DLGAP1: variants seen among roughly 807,000 people sequenced by gnomAD.
DLGAP1 encodes the protein disks large-associated protein 1.
Under a neutral mutation model 90.8 loss-of-function variants are expected in DLGAP1, and 11 were observed. That is an observed-to-expected ratio of 0.12 (90% CI 0.08 to 0.20). The LOEUF is 0.20. Among genes scored for constraint, DLGAP1 ranks in the 10% least tolerant of loss-of-function variants. DLGAP1 has a pLI of 1.00. For missense variants in DLGAP1, 1,050 were observed against 1,333.8 expected (o/e 0.79, Z 3.31); for synonymous variants, 558 against 540.7 (o/e 1.03, Z -0.44).
At chr18:3,959,273 A>G (rs1039872523) in intron 3 of DLGAP1, among the ~76,000 whole-genome samples, 102 of 152,108 alleles carry the variant, frequency 6.7e-4, no homozygotes, top group African/African-American at 2.3e-3. Context: ...CCTTGTCTTT[A>G]GGTCCTTTTG....
In DLGAP1 at chr18:4,418,216, A is replaced by C. The variant is rs114975464; in HGVS notation, c.-267+36790T>G. Among the ~76,000 whole-genome samples the C allele has an allele frequency of 7.4e-3, 1,132 of 152,290 alleles. 7 individuals are homozygous for C. The highest frequency in any genetic ancestry group is 0.024 in the African/African-American group (988 of 41,574). On this transcript the variant is annotated intron_variant, in intron 1 of 12. Transcript: ENST00000315677. ...GCCCAGCAGAGGGAAAGGCATGTCC[A>C]CTACTAGGCAGAAAAAACTGTTAAC...
chr18:3,645,344 A>T (rs56991017), intron 7 of DLGAP1, among the ~76,000 whole-genome samples: 26,284 of 151,758 alleles, frequency 0.17, 2,454 homozygotes, highest in Non-Finnish European at 0.19. Context: ...ATATATATAT[A>T]TTTTTTTAAT....
At chr18:4,156,820 A>G (rs879171200) in intron 1 of DLGAP1, among the ~76,000 whole-genome samples, 1 of 152,046 alleles carries the variant, frequency 6.6e-6, no homozygotes, top group African/African-American at 2.4e-5. Context: ...TTTTTGAGCA[A>G]TGATTAATAG....
intron 5 of DLGAP1, among the ~76,000 whole-genome samples, chr18:3,762,211 G>A (rs1876488053): frequency 1.3e-5 from 2 of 152,200 alleles, no homozygotes; most frequent in African/African-American, 4.8e-5. Context: ...GTATTGCCAA[G>A]ATTAAGACAT....
chr18:4,115,481 T>C (rs941226745), intron 2 of DLGAP1, among the ~76,000 whole-genome samples: 1 of 147,620 alleles, frequency 6.8e-6, no homozygotes, highest in Non-Finnish European at 1.5e-5. Flanking sequence ...TTTCTTCCTT[T>C]CTTTCTTTCT....
chr18:3,809,248 A>C (rs1270913364), intron 5 of DLGAP1, among the ~76,000 whole-genome samples: 4 of 152,160 alleles, frequency 2.6e-5, no homozygotes, highest in African/African-American at 9.7e-5. Flanking sequence ...AGTTGTAGGG[A>C]GAGCCGCCCA....
intron 5 of DLGAP1, among the ~76,000 whole-genome samples, chr18:3,779,431 C>T (rs2065086486): frequency 6.6e-6 from 1 of 152,156 alleles, no homozygotes; most frequent in Non-Finnish European, 1.5e-5. Context: ...CCATTGCCTA[C>T]CAAATTAAGC....
Position 3,990,104 on chromosome 18 carries a change from A to G in DLGAP1, c.-73+15012T>C, listed in dbSNP as rs2073931852. Among the ~76,000 whole-genome samples the G allele has an allele frequency of 2.6e-5, 4 of 152,240 alleles. No individual in the cohort carries two copies. In the South Asian group the frequency reaches 8.3e-4, roughly 32 times the overall value. On this transcript the variant is annotated intron_variant, in intron 3 of 12. Transcript: ENST00000315677. Reference sequence around the variant, plus strand: ...TCCTCAGGGATCTAGAACTAGAAATACCATTTGACCCAGCCATCCCATTAC... The same window carrying G: ...TCCTCAGGGATCTAGAACTAGAAATGCCATTTGACCCAGCCATCCCATTAC...
intron 2 of DLGAP1, among the ~76,000 whole-genome samples, chr18:4,035,269 C>T (rs1044773668): frequency 1.3e-5 from 2 of 152,090 alleles, no homozygotes; most frequent in Non-Finnish European, 2.9e-5. Context: ...ACTGCTTGAG[C>T]CTGGGAGTTC....
At chr18:4,317,373 C>T (rs763161037) in intron 1 of DLGAP1, among the ~76,000 whole-genome samples, 2 of 152,140 alleles carry the variant, frequency 1.3e-5, no homozygotes, top group East Asian at 3.9e-4. Context: ...GCTAGTACCA[C>T]CTGACAGGTC....
chr18:4,200,789 T>C (rs1334462352), intron 1 of DLGAP1, among the ~76,000 whole-genome samples: 1 of 152,134 alleles, frequency 6.6e-6, no homozygotes, highest in Non-Finnish European at 1.5e-5. Flanking sequence ...ACTAGGGCAA[T>C]TCTTGTCCTT....
At chr18:3,869,794 G>T (rs1458078199) in intron 4 of DLGAP1, among the ~76,000 whole-genome samples, 2 of 152,196 alleles carry the variant, frequency 1.3e-5, no homozygotes, top group Non-Finnish European at 2.9e-5. Flanking sequence ...TATGGTACAT[G>T]AAACATGGGA....
rs1791149 is a variant in DLGAP1, at chr18:3,517,820, A to G, written c.2480-9159T>C. On this transcript the variant is annotated intron_variant, in intron 10 of 12. Coordinates refer to ENST00000315677, the MANE Select transcript of DLGAP1 (RefSeq NM_004746.4). This position sits in a 1 kb window ranked among gnomAD's most constrained non-coding sequence, Gnocchi z 4.1. Reference sequence around the variant, plus strand: ...CAACAAGAGAGAAACTCTGTCTCGGAAAAAAAAAAAAAAGAAGAGAGTCAC... The same window carrying G: ...CAACAAGAGAGAAACTCTGTCTCGGGAAAAAAAAAAAAAGAAGAGAGTCAC... 6.3e-4 allele frequency among the ~76,000 whole-genome samples: 7 copies of G among 11,108 alleles called. No homozygotes were observed. The highest frequency in any genetic ancestry group is 1.3e-3 in the African/African-American group (6 of 4,486). The allele number at this position is 11,108 out of a possible 152,430, so 7.3% of individuals were successfully genotyped here. A position where few individuals can be genotyped will look rare whatever the true frequency, so the allele number is the denominator to read the frequency against.
chr18:3,572,815 C>T (rs2054890665), intron 8 of DLGAP1, among the ~76,000 whole-genome samples: 1 of 152,104 alleles, frequency 6.6e-6, no homozygotes, highest in African/African-American at 2.4e-5. Context: ...TGATTTTTAC[C>T]AAATGCAATA....
chr18:4,261,321 CCA>C (rs140020441), intron 1 of DLGAP1, among the ~76,000 whole-genome samples: 13,607 of 152,094 alleles, frequency 0.089, 755 homozygotes, highest in East Asian at 0.18. Flanking sequence ...CTCACAGCCT[CCA>C]GTGACCTGGC....
intron 1 of DLGAP1, among the ~76,000 whole-genome samples, chr18:4,332,080 G>A (rs541713): frequency 0.84 from 127,420 of 151,830 alleles, 53,778 homozygotes; most frequent in Non-Finnish European, 0.87. Flanking sequence ...GGAAACCAAT[G>A]ATAAAATGGA....
chr18:3,630,910 A>C (rs1266329450), intron 7 of DLGAP1, among the ~76,000 whole-genome samples: 1 of 152,146 alleles, frequency 6.6e-6, no homozygotes, highest in Non-Finnish European at 1.5e-5. Context: ...TATTGCATTA[A>C]ATTTATAGAT....
chr18:4,203,728 T>C (rs1033138335), intron 1 of DLGAP1, among the ~76,000 whole-genome samples: 3 of 152,162 alleles, frequency 2.0e-5, no homozygotes, highest in African/African-American at 7.2e-5. Flanking sequence ...GGGAACACAA[T>C]GATGACTAAT....
chr18:3,928,597 A>C (rs966609390), intron 3 of DLGAP1, among the ~76,000 whole-genome samples: 1 of 152,204 alleles, frequency 6.6e-6, no homozygotes, highest in Non-Finnish European at 1.5e-5. Flanking sequence ...TAGTCCATTT[A>C]ATCTTGACAA....
Sources: gnomAD v4.1 joint callset for allele counts (sites outside exome capture counted in the v4.1 genomes callset) on GRCh38, gnomAD v4.1.1 for gene constraint, Gnocchi (gnomAD v3.1) non-coding constraint, MANE v1.5 for transcripts, NCBI Gene and HGNC (gene_info 2026-07-23, HGNC 2026-07-21) for gene names.